IPO5: variants seen among roughly 807,000 people sequenced by gnomAD.
IPO5 encodes importin-5.
Under a neutral mutation model 143.3 loss-of-function variants are expected in IPO5, and 18 were observed. The ratio of observed to expected loss-of-function variants is 0.13; its 90% confidence interval spans 0.09 to 0.19. The LOEUF (loss-of-function observed/expected upper bound fraction) is 0.19, where lower values mean the gene tolerates loss of function less well. Ranked by LOEUF, IPO5 falls within the 10% of genes least tolerant of loss-of-function variation. The pLI, the probability that IPO5 is intolerant of heterozygous loss-of-function variation, is 1.00. For synonymous variants in IPO5, 477 were observed against 465.7 expected, an observed-to-expected ratio of 1.02 and a Z score of -0.31; for missense variants, 1,013 against 1,336.9, an observed-to-expected ratio of 0.76 and a Z score of 3.78.
intron 2 of IPO5, among the ~76,000 whole-genome samples, chr13:97,968,788 TCAAA>T (rs900745006): frequency 5.9e-5 from 9 of 152,122 alleles, no homozygotes; most frequent in African/African-American, 1.9e-4. Context: ...CCTCCCAGGT[TCAAA>T]CAGTTCTCGT....
chr13:98,010,758 C>T (rs1487933596), intron 20 of IPO5, among the ~76,000 whole-genome samples: 12 of 124,034 alleles, frequency 9.7e-5, no homozygotes, highest in Non-Finnish European at 1.5e-4. Context: ...TATGAGCATG[C>T]GTTTTAAAGT....
At chr13:97,966,598 G>A (rs997612533) in intron 2 of IPO5, among the ~76,000 whole-genome samples, 6 of 151,990 alleles carry the variant, frequency 3.9e-5, no homozygotes, top group Non-Finnish European at 8.8e-5. Flanking sequence ...GGGCACAACT[G>A]GCCTTATAAA....
At chr13:97,963,455 C>T (rs1054656424) in intron 2 of IPO5, among the ~76,000 whole-genome samples, 3 of 151,584 alleles carry the variant, frequency 2.0e-5, no homozygotes, top group Admixed American at 1.3e-4. Flanking sequence ...CTGCAATCTC[C>T]GCCTCCTGGG....
In IPO5 at chr13:97,969,182, T is replaced by A. The variant is rs1329288722; in HGVS notation, c.-112-541T>A. Among the ~76,000 whole-genome samples the A allele has an allele frequency of 1.8e-4, 21 of 114,798 alleles. No individual in the cohort carries two copies. The East Asian group carries it at 3.0e-3, about 16-fold the overall frequency. 75.3% of individuals were successfully genotyped at this position (114,798 alleles called of 152,430 possible). On this transcript the variant is annotated intron_variant, in intron 2 of 28. Transcript: ENST00000651721. ...ATATATATATATATATATATTTTTTTTTTTTTTTTTTTTTTTTGATACGTA... is the reference window on the plus strand; with the variant it reads ...ATATATATATATATATATATTTTTTATTTTTTTTTTTTTTTTTGATACGTA...
chr13:98,003,095 A>T lies in IPO5; in HGVS notation c.1497+58A>T. 1.2e-5 allele frequency: 16 copies of T among 1,337,296 alleles called. No homozygotes were observed. The Admixed American group carries it at 2.6e-4, about 21-fold the overall frequency. 82.8% of individuals were successfully genotyped at this position (1,337,296 alleles called of 1,614,324 possible). A position where few individuals can be genotyped will look rare whatever the true frequency, so the allele number is the denominator to read the frequency against. On this transcript the variant is annotated intron_variant, in intron 16 of 28. Transcript: ENST00000651721. ...TTGTAGATTAATTTGGGTTGATTTGATGGGTAAGAACTGGAGAAAGAGGGA... is the reference window on the plus strand; with the variant it reads ...TTGTAGATTAATTTGGGTTGATTTGTTGGGTAAGAACTGGAGAAAGAGGGA...
At position 98,021,924 on chromosome 13, in the gene IPO5, T is replaced by G; in HGVS notation, c.*102T>G. 2.9e-6 allele frequency: 2 copies of G among 685,432 alleles called. No individual in the cohort carries two copies. The highest frequency in any genetic ancestry group is 2.6e-4 in the Middle Eastern group (1 of 3,916). 42.5% of individuals were successfully genotyped at this position (685,432 alleles called of 1,614,324 possible). On this transcript the variant is annotated 3_prime_UTR_variant, in exon 29 of 29. Transcript: ENST00000651721. ...TTTTGAGCAAAAGAGATCGGTAGTG[T>G]TGTGTGTAGGCCATTCTTCTGGAGA...
intron 12 of IPO5, among the ~76,000 whole-genome samples, chr13:98,000,239 C>T (rs1188520545): frequency 4.0e-5 from 6 of 151,622 alleles, no homozygotes; most frequent in Non-Finnish European, 8.8e-5. Flanking sequence ...GAGCCGAGAT[C>T]GTGCCACTGC....
intron 5 of IPO5, among the ~76,000 whole-genome samples, chr13:97,984,485 AT>A (rs1594063806): frequency 6.6e-6 from 1 of 152,302 alleles, no homozygotes; most frequent in East Asian, 1.9e-4. Flanking sequence ...TTTTTGGTAT[AT>A]GTGTGAGAAG....
Position 97,976,167 on chromosome 13 carries a change from C to T in IPO5, c.-4-526C>T, listed in dbSNP as rs1594042257. On this transcript the variant is annotated intron_variant, in intron 3 of 28. Transcript: ENST00000651721. ...CCGCGGCGCCGAAATCTCCCGCGCT[C>T]AGCAGCTGGCCCCTCCTCCCCGGCC... Among the ~76,000 whole-genome samples the T allele has an allele frequency of 3.9e-5, 6 of 151,990 alleles. No individual in the cohort carries two copies. In the East Asian group the frequency reaches 1.2e-3, roughly 30 times the overall value.
At chr13:97,954,758 G>A (rs1246265838) in intron 2 of IPO5, among the ~76,000 whole-genome samples, 1 of 152,136 alleles carries the variant, frequency 6.6e-6, no homozygotes, top group Non-Finnish European at 1.5e-5. Flanking sequence ...AAATGCTAAT[G>A]CCTTTATTAT....
At chr13:97,982,318 T>C in intron 4 of IPO5, among the ~76,000 whole-genome samples, 185 bp from the exon 5 acceptor site, 1 of 152,172 alleles carries the variant, frequency 6.6e-6, no homozygotes, top group Middle Eastern at 3.4e-3. Flanking sequence ...AGGAACTTGA[T>C]AAGTAACCCT....
intron 16 of IPO5, among the ~76,000 whole-genome samples, chr13:98,005,556 AGTTAGTAAGCATTT>A (rs1889167450): frequency 6.6e-6 from 1 of 151,998 alleles, no homozygotes. Context: ...AGCAGCAAAT[AGTTAGTAAGCATTT>A]GTTACTAGCT....
chr13:98,006,485 C>T, intron 17 of IPO5, 137 bp downstream of exon 17: 1 of 563,870 alleles, frequency 1.8e-6, no homozygotes, highest in Non-Finnish European at 3.0e-6. Flanking sequence ...TGCCATTCTC[C>T]TGCCTCAGCC....
At chr13:98,014,276 A>T (rs1461322519) in intron 22 of IPO5, 62 bp downstream of exon 22, 1 of 1,305,672 alleles carries the variant, frequency 7.7e-7, no homozygotes, top group African/African-American at 1.5e-5. Flanking sequence ...AGTCTTGCTA[A>T]AAGTAAAAAA....
chr13:97,990,404 TG>T, intron 8 of IPO5, 28 bp from the exon 9 acceptor site: 2 of 1,496,424 alleles, frequency 1.3e-6, no homozygotes, highest in Non-Finnish European at 1.8e-6. Flanking sequence ...AAATTTCTCA[TG>T]TTTGACATTT....
chr13:97,960,040 A>G (rs763348913), intron 2 of IPO5, among the ~76,000 whole-genome samples: 2 of 152,228 alleles, frequency 1.3e-5, no homozygotes, highest in Non-Finnish European at 2.9e-5. Context: ...GGCATCAAGC[A>G]GTACTACACA....
rs368568632 is a variant in IPO5, at chr13:97,989,173, A to G, written c.467+9A>G. The G allele has an allele frequency of 5.7e-5, 85 of 1,496,232 alleles. No individual in the cohort carries two copies. The highest frequency in any genetic ancestry group is 4.4e-4 in the African/African-American group (32 of 72,378). The allele number at this position is 1,496,232 out of a possible 1,614,324, so 92.7% of individuals were successfully genotyped here. A position where few individuals can be genotyped will look rare whatever the true frequency, so the allele number is the denominator to read the frequency against. On this transcript the variant is annotated intron_variant, in intron 7 of 28. Transcript: ENST00000651721. ...GCCCTTCACATTTTCTGGTATATACATTAATCTAGTTTTTTGAGACATTTG... is the reference window on the plus strand; with the variant it reads ...GCCCTTCACATTTTCTGGTATATACGTTAATCTAGTTTTTTGAGACATTTG...
intron 20 of IPO5, among the ~76,000 whole-genome samples, chr13:98,010,780 C>CTTTTT (rs71117688): frequency 2.9e-5 from 2 of 70,032 alleles, no homozygotes; most frequent in African/African-American, 1.9e-4. Context: ...AAGGATAATC[C>CTTTTT]TTTTTTTTTT....
chr13:98,002,653 GC>G, intron 14 of IPO5, 30 bp from the exon 15 acceptor site: 1 of 1,606,830 alleles, frequency 6.2e-7, no homozygotes, highest in Non-Finnish European at 8.5e-7. Context: ...AAACCTTCTT[GC>G]TTTTACTAAT....
Sources: allele counts gnomAD v4.1 joint callset (sites outside exome capture counted in the v4.1 genomes callset), GRCh38; gene constraint gnomAD v4.1.1; transcripts MANE v1.5; gene names NCBI Gene and HGNC (gene_info 2026-07-23, HGNC 2026-07-21).